Variants in GSK3B observed in about 807,000 individuals in gnomAD.
GSK3B encodes glycogen synthase kinase 3 beta.
In GSK3B, 15 loss-of-function variants were observed where a neutral mutation model predicts 56.4. The ratio of observed to expected loss-of-function variants is 0.27; its 90% CI spans 0.18 to 0.41. The LOEUF (loss-of-function observed/expected upper bound fraction) is 0.41. Among genes scored for constraint, GSK3B ranks in the 10% least tolerant of loss-of-function variants. GSK3B has a pLI of 1.00. For synonymous variants in GSK3B, 181 were observed against 188.9 expected, an observed-to-expected ratio of 0.96 and a Z score of 0.34; for missense variants, 300 against 513.4, an observed-to-expected ratio of 0.58 and a Z score of 4.02.
chr3:119,869,814 G>A (rs546357917), intron 8 of GSK3B, among the ~76,000 whole-genome samples: 1 of 152,220 alleles, frequency 6.6e-6, no homozygotes, highest in Admixed American at 6.5e-5. Flanking sequence ...ACCTACTAAC[G>A]ATGTTAAATG....
chr3:119,981,625 G>T (rs985578357), intron 2 of GSK3B, among the ~76,000 whole-genome samples: 2 of 152,254 alleles, frequency 1.3e-5, no homozygotes, highest in Non-Finnish European at 2.9e-5. Flanking sequence ...TCTGTCAGGC[G>T]GCAGCCTGGC....
chr3:119,963,469 T>G (rs962248181), intron 2 of GSK3B, among the ~76,000 whole-genome samples: 2 of 151,022 alleles, frequency 1.3e-5, no homozygotes, highest in Admixed American at 1.3e-4. Flanking sequence ...CAAAACAGTA[T>G]GATACAAGCA....
At chr3:119,978,887 A>G (rs1011964978) in intron 2 of GSK3B, among the ~76,000 whole-genome samples, 3 of 152,184 alleles carry the variant, frequency 2.0e-5, no homozygotes, top group Non-Finnish European at 4.4e-5. Flanking sequence ...GGGGATGCCC[A>G]GTTTCTTCTC....
At chr3:119,960,568 G>A (rs1309631079) in intron 2 of GSK3B, among the ~76,000 whole-genome samples, 3 of 152,184 alleles carry the variant, frequency 2.0e-5, no homozygotes, top group Non-Finnish European at 4.4e-5. Flanking sequence ...TTGAGGGAAA[G>A]TGGGTAAAGA....
chr3:119,931,264 A>C (rs1235935774), intron 3 of GSK3B, among the ~76,000 whole-genome samples: 1 of 152,168 alleles, frequency 6.6e-6, no homozygotes, highest in African/African-American at 2.4e-5. Context: ...CCTTAATGTA[A>C]TCTATCTCCT....
chr3:119,913,365 G>A (rs115135220), intron 5 of GSK3B, among the ~76,000 whole-genome samples: 2 of 151,812 alleles, frequency 1.3e-5, no homozygotes, highest in African/African-American at 4.8e-5. Flanking sequence ...TTATAAACAG[G>A]CCCTTCAACT....
Position 120,094,096 on chromosome 3 carries a change from G to A in GSK3B, c.-662C>T. Reference sequence around the variant, plus strand: ...ATTGCGCCAGGAGCAGCTGCAGGCGGCGGCTGGATCCAGCGGCCATGGCGG... The same window carrying A: ...ATTGCGCCAGGAGCAGCTGCAGGCGACGGCTGGATCCAGCGGCCATGGCGG... On this transcript the variant is annotated 5_prime_UTR_variant, in exon 1 of 11. Transcript: ENST00000264235. 4.4e-6 allele frequency: 1 copy of A among 229,508 alleles called. No individual in the cohort carries two copies. The highest frequency in any genetic ancestry group is 8.7e-6 in the Non-Finnish European group (1 of 115,404). 14.2% of individuals were successfully genotyped at this position (229,508 alleles called of 1,614,324 possible). A position where few individuals can be genotyped will look rare whatever the true frequency, so the allele number is the denominator to read the frequency against.
intron 2 of GSK3B, among the ~76,000 whole-genome samples, chr3:119,955,506 A>G (rs1300446947): frequency 6.6e-6 from 1 of 152,208 alleles, no homozygotes; most frequent in Non-Finnish European, 1.5e-5. Flanking sequence ...AAAAAGTGCT[A>G]TAGATACTTG....
chr3:120,066,136 TCA>T (rs1412582356), intron 1 of GSK3B, among the ~76,000 whole-genome samples: 6 of 152,098 alleles, frequency 3.9e-5, no homozygotes, highest in African/African-American at 7.2e-5. Context: ...TTTTAAAAAA[TCA>T]CACAGACATA....
intron 7 of GSK3B, 94 bp from the exon 8 acceptor site, chr3:119,876,602 TC>T: frequency 1.4e-6 from 1 of 718,452 alleles, no homozygotes; most frequent in Non-Finnish European, 2.5e-6. Context: ...AAAAAGGAAT[TC>T]CCAAGTTAAA....
rs138607853 is a variant in GSK3B at position 119,922,173 on chromosome 3, TTAGGTAGGTAGG to T, written c.477+1188_477+1199del. Among the ~76,000 whole-genome samples, 959 of 112,038 alleles carry T rather than the reference TTAGGTAGGTAGG, an allele frequency of 8.6e-3. 39 individuals are homozygous for T. The highest frequency in any genetic ancestry group is 0.036 in the African/African-American group (904 of 25,448). The allele number at this position is 112,038 out of a possible 152,430, so 73.5% of individuals were successfully genotyped here. A position where few individuals can be genotyped will look rare whatever the true frequency, so the allele number is the denominator to read the frequency against. ...GGAGGTAGGTAGGTAAGGAGGTAGG[TTAGGTAGGTAGG>T]TAGGTAGGTAGGTAGGGAAGGAGGG... On this transcript the variant is annotated intron_variant, in intron 4 of 10. Transcript: ENST00000264235.
chr3:119,985,265 G>A (rs1015713819), intron 2 of GSK3B, among the ~76,000 whole-genome samples: 4 of 152,134 alleles, frequency 2.6e-5, no homozygotes, highest in African/African-American at 9.7e-5. Context: ...CATTCCCTTT[G>A]AAAACCAACA....
chr3:119,902,179 G>A (rs2056631435), intron 7 of GSK3B, among the ~76,000 whole-genome samples: 1 of 151,992 alleles, frequency 6.6e-6, no homozygotes, highest in Non-Finnish European at 1.5e-5. Context: ...AATACAGAAC[G>A]TCTTAATAAC....
intron 1 of GSK3B, chr3:120,028,650 A>G (rs2057949737): frequency 1.4e-5 from 5 of 345,424 alleles, no homozygotes; most frequent in Admixed American, 3.5e-5. Context: ...TGCTACTTTA[A>G]TAAATCCCAC....
At chr3:120,080,239 C>T (rs1489739853) in intron 1 of GSK3B, among the ~76,000 whole-genome samples, 1 of 151,622 alleles carries the variant, frequency 6.6e-6, no homozygotes, top group African/African-American at 2.4e-5. Context: ...TGCAGTGAGC[C>T]AAGATCACAC....
intron 7 of GSK3B, among the ~76,000 whole-genome samples, chr3:119,891,787 T>C (rs1304434264): frequency 6.6e-6 from 1 of 152,108 alleles, no homozygotes; most frequent in African/African-American, 2.4e-5. Flanking sequence ...TTTTAAAAAT[T>C]ATCACACCAA....
intron 10 of GSK3B, among the ~76,000 whole-genome samples, chr3:119,836,663 C>CT (rs1559801949): frequency 6.6e-6 from 1 of 151,970 alleles, no homozygotes; most frequent in African/African-American, 2.4e-5. Context: ...TTACAAAGTG[C>CT]TTTTTATAAC....
At chr3:119,878,208 T>A (rs904920730) in intron 7 of GSK3B, among the ~76,000 whole-genome samples, 1 of 152,148 alleles carries the variant, frequency 6.6e-6, no homozygotes, top group Non-Finnish European at 1.5e-5. Flanking sequence ...CTTTGCAGAA[T>A]ATATTTGCAA....
At chr3:119,843,663 G>A (rs992305149) in intron 9 of GSK3B, 2 of 165,310 alleles carry the variant, frequency 1.2e-5, no homozygotes, top group African/African-American at 4.8e-5. Flanking sequence ...GGAGCATCCG[G>A]ATTCATAAAG....
Sources: allele counts gnomAD v4.1 joint callset (sites outside exome capture counted in the v4.1 genomes callset), GRCh38; gene constraint gnomAD v4.1.1; transcripts MANE v1.5; gene names NCBI Gene and HGNC (gene_info 2026-07-23, HGNC 2026-07-21).